CENPE: variants seen among roughly 807,000 people sequenced by gnomAD.
CENPE encodes centromere-associated protein E.
In CENPE, 145 loss-of-function variants were observed where a neutral mutation model predicts 336.1. The ratio of observed to expected loss-of-function variants is 0.43; its 90% CI spans 0.38 to 0.50. The LOEUF (loss-of-function observed/expected upper bound fraction) is 0.50, where lower values mean the gene tolerates loss of function less well. CENPE is among the 20% of genes least tolerant of loss of function. The pLI, the probability that CENPE is intolerant of heterozygous loss-of-function variation, is 0.00. For synonymous variants in CENPE, 1,013 were observed against 984.8 expected, an observed-to-expected ratio of 1.03 and a Z score of -0.54; for missense variants, 2,719 against 3,023.3, an observed-to-expected ratio of 0.90 and a Z score of 2.36.
At chr4:103,187,072 T>C (rs973468076) in intron 8 of CENPE, among the ~76,000 whole-genome samples, 1 of 152,188 alleles carries the variant, frequency 6.6e-6, no homozygotes, top group Non-Finnish European at 1.5e-5. Flanking sequence ...TTATATTCAA[T>C]GAGAAGCCAT....
chr4:103,144,759 A>G (rs1439223714), intron 32 of CENPE, 141 bp from the exon 33 acceptor site: 8 of 643,700 alleles, frequency 1.2e-5, no homozygotes, highest in Non-Finnish European at 2.1e-5. Context: ...ATGAGTAACA[A>G]TAATTAGATG....
At chr4:103,152,597 C>G (rs1260501368) in intron 25 of CENPE, among the ~76,000 whole-genome samples, 1 of 151,828 alleles carries the variant, frequency 6.6e-6, no homozygotes, top group South Asian at 2.1e-4. Context: ...TTCAAAATAG[C>G]CAAATACTGA....
At chr4:103,185,953 T>C (rs1263801320) in intron 8 of CENPE, 92 bp from the exon 9 acceptor site, 19 of 794,430 alleles carry the variant, frequency 2.4e-5, no homozygotes, top group Non-Finnish European at 3.8e-5. Flanking sequence ...ACATGGTATA[T>C]CTGAATATTC....
chr4:103,175,178 C>T (rs938502298), intron 15 of CENPE, among the ~76,000 whole-genome samples: 1 of 151,738 alleles, frequency 6.6e-6, no homozygotes, highest in Non-Finnish European at 1.5e-5. Flanking sequence ...AATTGAATTC[C>T]CCAATCTAAC....
At chr4:103,167,876 G>A (rs554276363) in intron 16 of CENPE, among the ~76,000 whole-genome samples, 12 of 152,256 alleles carry the variant, frequency 7.9e-5, no homozygotes, top group Non-Finnish European at 1.0e-4. Flanking sequence ...CTAGGGTCTC[G>A]GCAGATGGGC....
intron 8 of CENPE, 39 bp from the exon 9 acceptor site, chr4:103,185,900 T>C: frequency 3.6e-6 from 5 of 1,385,112 alleles, no homozygotes; most frequent in Non-Finnish European, 5.1e-6. Flanking sequence ...GGGCAGATAA[T>C]TTGAAATAAT....
At chr4:103,113,244 A>T (rs950424654) in intron 46 of CENPE, among the ~76,000 whole-genome samples, 1 of 140,994 alleles carries the variant, frequency 7.1e-6, no homozygotes, top group Non-Finnish European at 1.5e-5. Context: ...ATATATACTT[A>T]TAAGTATATA....
intron 45 of CENPE, chr4:103,116,231 G>A (rs2623070): frequency 0.35 from 53,785 of 152,768 alleles, 9,682 homozygotes; most frequent in Middle Eastern, 0.47. Flanking sequence ...ACCAACAGAA[G>A]CCTTAGTAAA....
chr4:103,138,194 T>G (rs1056034817), intron 39 of CENPE, among the ~76,000 whole-genome samples, 157 bp downstream of exon 39: 2 of 152,230 alleles, frequency 1.3e-5, no homozygotes, highest in African/African-American at 4.8e-5. Context: ...TGTGTATATA[T>G]GCATTATACC....
chr4:103,119,350 C>T (rs1323078201), intron 44 of CENPE, among the ~76,000 whole-genome samples: 1 of 152,064 alleles, frequency 6.6e-6, no homozygotes, highest in African/African-American at 2.4e-5. Context: ...TGAATAAAAA[C>T]TGTGATCAAT....
At position 103,155,614 on chromosome 4, in the gene CENPE, A is replaced by G. The variant is rs75835625; in HGVS notation, c.3034-2364T>C. ...AGGCATAAGCCATTGTGTTGAGGGT[A>G]AATTTCAAATTGAGGTCAAATGCCT... On this transcript the variant is annotated intron_variant, in intron 24 of 48. Coordinates refer to ENST00000265148, the MANE Select transcript of CENPE (RefSeq NM_001813.3). Among the ~76,000 whole-genome samples, 705 of 152,330 alleles carry G rather than the reference A, an allele frequency of 4.6e-3. 4 individuals are homozygous for G. The highest frequency in any genetic ancestry group is 0.015 in the African/African-American group (644 of 41,574).
chr4:103,140,104 A>G, intron 37 of CENPE, 25 bp from the exon 38 acceptor site: 1 of 1,576,632 alleles, frequency 6.3e-7, no homozygotes, highest in East Asian at 2.2e-5. Context: ...AAAACAAGTT[A>G]GAATGTAAGC....
intron 16 of CENPE, among the ~76,000 whole-genome samples, chr4:103,173,398 T>C (rs74450925): frequency 0.03 from 4,540 of 152,104 alleles, 218 homozygotes; most frequent in African/African-American, 0.1. Flanking sequence ...CTTGAAACTA[T>C]GAAACTACTA....
At chr4:103,153,656 T>C (rs1390076636) in intron 24 of CENPE, among the ~76,000 whole-genome samples, 1 of 152,218 alleles carries the variant, frequency 6.6e-6, no homozygotes, top group African/African-American at 2.4e-5. Flanking sequence ...AATTAAAGGA[T>C]ATCTGCCTTT....
intron 8 of CENPE, among the ~76,000 whole-genome samples, chr4:103,193,850 A>G (rs555943612): frequency 2.0e-5 from 3 of 152,182 alleles, no homozygotes; most frequent in African/African-American, 7.2e-5. Flanking sequence ...TGTTGATCAC[A>G]TAAGTCTAAA....
intron 8 of CENPE, among the ~76,000 whole-genome samples, chr4:103,193,852 A>C (rs1419378379): frequency 6.6e-6 from 1 of 152,072 alleles, no homozygotes; most frequent in Non-Finnish European, 1.5e-5. Flanking sequence ...TTGATCACAT[A>C]AGTCTAAATT....
At chr4:103,138,842 AAAATAAAT>A (rs538574498) in intron 38 of CENPE, among the ~76,000 whole-genome samples, 2 of 152,108 alleles carry the variant, frequency 1.3e-5, no homozygotes, top group African/African-American at 4.8e-5. Context: ...TGTCTCTATA[AAAATAAAT>A]AAATAAATAA....
At chr4:103,154,740 A>G (rs1435819744) in intron 24 of CENPE, among the ~76,000 whole-genome samples, 1 of 152,226 alleles carries the variant, frequency 6.6e-6, no homozygotes, top group Non-Finnish European at 1.5e-5. Context: ...AGATCTAATT[A>G]TTAAATAAAA....
intron 8 of CENPE, among the ~76,000 whole-genome samples, chr4:103,186,650 G>A (rs907896769): frequency 3.9e-5 from 6 of 152,140 alleles, no homozygotes; most frequent in Non-Finnish European, 7.3e-5. Context: ...CTGCTCTCAT[G>A]GAGCTTACAT....
Sources: gnomAD v4.1 joint callset for allele counts (sites outside exome capture counted in the v4.1 genomes callset) on GRCh38, gnomAD v4.1.1 for gene constraint, MANE v1.5 for transcripts, NCBI Gene and HGNC (gene_info 2026-07-23, HGNC 2026-07-21) for gene names.